Variants in ASS1 observed in about 807,000 individuals in gnomAD.
The protein encoded by ASS1 is argininosuccinate synthase 1.
In ASS1, 58 loss-of-function variants were observed where a neutral mutation model predicts 60.5. The ratio of observed to expected loss-of-function variants is 0.96; its 90% CI spans 0.78 to 1.19. The LOEUF (loss-of-function observed/expected upper bound fraction) is 1.19. ASS1 is among the 50% of genes most tolerant of loss of function. The probability of loss-of-function intolerance (pLI) is 0.00; values close to 1 mark genes in which losing one functional copy is unlikely to be tolerated. For missense variants in ASS1, 454 were observed against 547.3 expected (o/e 0.83, Z 1.70); for synonymous variants, 200 against 206.9 (o/e 0.97, Z 0.29).
At chr9:130,466,950 G>A (rs1004099322) in intron 6 of ASS1, 151 bp downstream of exon 6, 15 of 924,394 alleles carry the variant, frequency 1.6e-5, no homozygotes, top group Non-Finnish European at 2.0e-5. Flanking sequence ...GCCTACACAC[G>A]TGGCCTCTGT....
In ASS1 at chr9:130,471,482, C is replaced by A. The variant is rs369407001; in HGVS notation, c.567-3C>A. ...GACCCTGTCTTTCCTTTCCCCTCCG[C>A]AGCTACGAGGCTGGAATCCTGGAGA... On this transcript the variant is annotated splice_region_variant and splice_polypyrimidine_tract_variant and intron_variant, in intron 7 of 14. Coordinates refer to ENST00000352480, the MANE Select transcript of ASS1 (RefSeq NM_054012.4). The A allele has an allele frequency of 1.6e-5, 26 of 1,614,024 alleles. No individual in the cohort carries two copies. The highest frequency in any genetic ancestry group is 2.1e-5 in the Non-Finnish European group (25 of 1,179,994).
At chr9:130,492,758 G>T (rs1846479176) in intron 12 of ASS1, among the ~76,000 whole-genome samples, 1 of 152,186 alleles carries the variant, frequency 6.6e-6, no homozygotes, top group South Asian at 2.1e-4. Context: ...CATGTGTTTG[G>T]CTGGGCCTAG....
chr9:130,454,720 C>A (rs73541963), intron 3 of ASS1, among the ~76,000 whole-genome samples: 4,503 of 152,056 alleles, frequency 0.03, 243 homozygotes, highest in African/African-American at 0.1. Context: ...CATTAGCTAT[C>A]CATCGATCCA....
In ASS1 at chr9:130,497,346, A is replaced by T. The variant is rs527616058; in HGVS notation, c.1128-2159A>T. Among the ~76,000 whole-genome samples, 543 of 152,356 alleles carry T rather than the reference A, an allele frequency of 3.6e-3. 5 individuals are homozygous for T. The highest frequency in any genetic ancestry group is 0.012 in the African/African-American group (515 of 41,598). On this transcript the variant is annotated intron_variant, in intron 13 of 14. Transcript: ENST00000352480. Reference sequence around the variant, plus strand: ...CTTGAGTGACAGCGTCACAGGGACCAGCGAGGAAGCCGTGAGAGGTAGCAG... The same window carrying T: ...CTTGAGTGACAGCGTCACAGGGACCTGCGAGGAAGCCGTGAGAGGTAGCAG...
chr9:130,469,784 C>T (rs1203602950), intron 6 of ASS1, among the ~76,000 whole-genome samples: 1 of 152,186 alleles, frequency 6.6e-6, no homozygotes, highest in Non-Finnish European at 1.5e-5. Context: ...CTGCAGGAGG[C>T]CTCTAGAATC....
intron 11 of ASS1, among the ~76,000 whole-genome samples, chr9:130,480,842 G>T (rs1236582475): frequency 6.6e-6 from 1 of 152,230 alleles, no homozygotes; most frequent in Non-Finnish European, 1.5e-5. Context: ...CGCCGGCCAG[G>T]CAGGGCGAAA....
chr9:130,479,680 G>A lies in ASS1; in HGVS notation c.689-36G>A, dbSNP rs755396389. 6 of 1,555,156 alleles carry A rather than the reference G, an allele frequency of 3.9e-6. No homozygotes were observed. In the South Asian group the frequency reaches 6.7e-5, roughly 17 times the overall value. On this transcript the variant is annotated intron_variant, in intron 9 of 14. Transcript: ENST00000352480. ...GGGTGCAGACTCCTCCGCTGAGCCG[G>A]GCCCAGAGGCCCACTGCCCTCTCTT...
chr9:130,486,072 A>C (rs552328159), intron 11 of ASS1, among the ~76,000 whole-genome samples: 1 of 152,184 alleles, frequency 6.6e-6, no homozygotes, highest in South Asian at 2.1e-4. Context: ...CTGCAGCCTC[A>C]ACCTCCTGGG....
Position 130,489,390 on chromosome 9 carries a change from C to G in ASS1, c.896C>G (p.Ala299Gly). ...ILYHAHLDIE[A>G]FTMDREVRKI... ...TACCATGCTCATTTAGACATCGAGG[C>G]CTTCACCATGGACCGGGAAGTGCGC... The change falls in exon 12 of 15, where the codon GCC becomes GGC. Residue 299 changes from alanine to glycine, a missense_variant. Physicochemically the swap from Ala to Gly is moderately conservative, Grantham distance 60. Coordinates refer to ENST00000352480, the MANE Select transcript of ASS1 (RefSeq NM_054012.4). The surrounding 1 kb of genome is among the most constrained non-coding windows in gnomAD (Gnocchi z 4.1). The G allele has an allele frequency of 1.9e-6, 3 of 1,614,082 alleles. No individual in the cohort carries two copies. The highest frequency in any genetic ancestry group is 3.3e-4 in the Middle Eastern group (2 of 6,062).
chr9:130,466,670 C>G (rs1388545648), intron 5 of ASS1, 55 bp from the exon 6 acceptor site: 2 of 1,556,056 alleles, frequency 1.3e-6, no homozygotes, highest in African/African-American at 2.7e-5. Context: ...GCTTACAGGC[C>G]AGGGGAAGCC....
chr9:130,494,490 C>T lies in ASS1; in HGVS notation c.971-377C>T, dbSNP rs1021264488. On this transcript the variant is annotated intron_variant, in intron 12 of 14. Coordinates refer to ENST00000352480, the MANE Select transcript of ASS1 (RefSeq NM_054012.4). This position sits in a 1 kb window ranked among gnomAD's most constrained non-coding sequence, Gnocchi z 4.3. ...GAGTCCTGTCTGAGGTCTTCTGCCTCCCCCGGAGATTAGAGCCTCCATTGG... is the reference window on the plus strand; with the variant it reads ...GAGTCCTGTCTGAGGTCTTCTGCCTTCCCCGGAGATTAGAGCCTCCATTGG... Among the ~76,000 whole-genome samples, 6 of 152,142 alleles carry T rather than the reference C, an allele frequency of 3.9e-5. No homozygotes were observed. Among genetic ancestry groups the T allele is most frequent in the African/African-American group, 1.4e-4 (6 of 41,470 alleles).
At chr9:130,454,776 C>T (rs548605997) in intron 3 of ASS1, among the ~76,000 whole-genome samples, 1 of 147,224 alleles carries the variant, frequency 6.8e-6, no homozygotes, top group South Asian at 2.1e-4. Context: ...CCCACCCATC[C>T]ATTCACCCAT....
intron 3 of ASS1, among the ~76,000 whole-genome samples, chr9:130,456,796 C>T (rs1375291092): frequency 1.3e-5 from 2 of 151,306 alleles, no homozygotes; most frequent in Non-Finnish European, 2.9e-5. Context: ...AGAAACCCCA[C>T]ATGCCTGTAG....
intron 6 of ASS1, among the ~76,000 whole-genome samples, chr9:130,467,773 T>C (rs1845780590): frequency 6.6e-6 from 1 of 152,150 alleles, no homozygotes; most frequent in African/African-American, 2.4e-5. Flanking sequence ...ATATGAAGCG[T>C]GTTTCATCTT....
chr9:130,449,850 G>A (rs533769782), intron 1 of ASS1, among the ~76,000 whole-genome samples: 8 of 152,330 alleles, frequency 5.3e-5, no homozygotes, highest in African/African-American at 1.7e-4. Flanking sequence ...AAAAAAATAT[G>A]CGATTATTTT....
At chr9:130,486,290 C>T (rs766723878) in intron 11 of ASS1, among the ~76,000 whole-genome samples, 6 of 152,076 alleles carry the variant, frequency 3.9e-5, no homozygotes, top group African/African-American at 7.3e-5. Context: ...GATGGGGTCT[C>T]ACTATATTGC....
rs115719866 is a variant in ASS1, at chr9:130,461,195, G to A, written c.363+2606G>A. Among the ~76,000 whole-genome samples, 500 of 152,134 alleles carry A rather than the reference G, an allele frequency of 3.3e-3. 5 individuals carry two copies. The highest frequency in any genetic ancestry group is 0.012 in the African/African-American group (481 of 41,490). ...CAGTAGGGCGGCATTCAGGTCTGGT[G>A]GAGTGCATGGGTGGGTGGGTGAGTA... On this transcript the variant is annotated intron_variant, in intron 4 of 14. Transcript: ENST00000352480.
At chr9:130,480,295 A>T in intron 10 of ASS1, 90 bp from the exon 11 acceptor site, 1 of 1,418,776 alleles carries the variant, frequency 7.0e-7, no homozygotes, top group Non-Finnish European at 1.0e-6. Flanking sequence ...GTGTGGCCTA[A>T]GCTGTGCCCA....
At chr9:130,472,460 G>A (rs1470366715) in intron 8 of ASS1, among the ~76,000 whole-genome samples, 1 of 152,154 alleles carries the variant, frequency 6.6e-6, no homozygotes, top group Non-Finnish European at 1.5e-5. Context: ...GCATTGTCCT[G>A]GCTCAGTTCC....
Sources: allele counts gnomAD v4.1 joint callset (sites outside exome capture counted in the v4.1 genomes callset), GRCh38; gene constraint gnomAD v4.1.1; non-coding constraint Gnocchi (gnomAD v3.1); transcripts MANE v1.5; gene names NCBI Gene and HGNC (gene_info 2026-07-23, HGNC 2026-07-21).